Variants in TTLL7 observed in about 807,000 individuals in gnomAD.
The protein encoded by TTLL7 is tubulin polyglutamylase TTLL7.
In TTLL7, 53 loss-of-function variants were observed where a neutral mutation model predicts 120.2. That is an observed-to-expected ratio of 0.44 (90% CI 0.35 to 0.55). The LOEUF (loss-of-function observed/expected upper bound fraction) is 0.55, where lower values mean the gene tolerates loss of function less well. Among genes scored for constraint, TTLL7 ranks in the 20% least tolerant of loss-of-function variants. The probability of loss-of-function intolerance (pLI) is 0.00; values close to 1 mark genes in which losing one functional copy is unlikely to be tolerated. For synonymous variants in TTLL7, 353 were observed against 351.7 expected, an observed-to-expected ratio of 1.00 and a Z score of -0.04; for missense variants, 803 against 1,054.7, an observed-to-expected ratio of 0.76 and a Z score of 3.31.
intron 4 of TTLL7, 108 bp from the exon 5 acceptor site, chr1:83,948,803 C>A: frequency 7.4e-6 from 5 of 675,562 alleles, no homozygotes; most frequent in South Asian, 2.4e-5. Context: ...TAATAAACTG[C>A]CAATTATTAA....
intron 18 of TTLL7, chr1:83,902,067 C>T (rs750835970): frequency 2.0e-5 from 3 of 151,920 alleles, no homozygotes; most frequent in Non-Finnish European, 2.9e-5. Flanking sequence ...CCCATCTTCC[C>T]ACCACATTCC....
At chr1:83,917,993 C>T (rs1474553825) in intron 13 of TTLL7, among the ~76,000 whole-genome samples, 1 of 151,892 alleles carries the variant, frequency 6.6e-6, no homozygotes, top group African/African-American at 2.4e-5. Flanking sequence ...TAAATTAGCC[C>T]ATTGGACACT....
intron 4 of TTLL7, chr1:83,948,927 G>A (rs956567438): frequency 3.0e-6 from 1 of 338,220 alleles, no homozygotes; most frequent in Non-Finnish European, 5.3e-6. Flanking sequence ...TATCTACATA[G>A]ATAGTAAAGT....
At chr1:83,871,210 C>T (rs762346996) in intron 20 of TTLL7, among the ~76,000 whole-genome samples, 12 of 151,784 alleles carry the variant, frequency 7.9e-5, no homozygotes, top group Admixed American at 5.9e-4. Context: ...TTAATAGAGA[C>T]GGGTTTCACC....
intron 20 of TTLL7, among the ~76,000 whole-genome samples, chr1:83,870,640 G>A (rs1653288211): frequency 6.6e-6 from 1 of 152,212 alleles, no homozygotes; most frequent in South Asian, 2.1e-4. Context: ...GCCAGGCGCA[G>A]TGGCTCACGC....
At chr1:83,893,324 A>T (rs530342361) in intron 18 of TTLL7, among the ~76,000 whole-genome samples, 5 of 152,064 alleles carry the variant, frequency 3.3e-5, no homozygotes, top group African/African-American at 1.2e-4. Flanking sequence ...TCTAATTCAC[A>T]TGTACTTGAT....
At chr1:83,952,990 G>T (rs1649195469) in intron 1 of TTLL7, among the ~76,000 whole-genome samples, 1 of 152,144 alleles carries the variant, frequency 6.6e-6, no homozygotes, top group Non-Finnish European at 1.5e-5. Context: ...GCAGAGAAGT[G>T]ATTCCTATAT....
intron 9 of TTLL7, among the ~76,000 whole-genome samples, chr1:83,931,883 T>C (rs1431010452): frequency 1.3e-5 from 2 of 152,164 alleles, no homozygotes; most frequent in African/African-American, 4.8e-5. Context: ...TTTTTAACAA[T>C]GTATATTAGC....
At chr1:83,882,941 G>C in intron 20 of TTLL7, 22 bp downstream of exon 20, 1 of 1,605,572 alleles carries the variant, frequency 6.2e-7, no homozygotes, top group Non-Finnish European at 8.5e-7. Flanking sequence ...ACTCTCAAGG[G>C]TTAGAGAATG....
intron 18 of TTLL7, chr1:83,900,043 C>A: frequency 2.9e-6 from 1 of 339,318 alleles, no homozygotes; most frequent in Non-Finnish European, 5.7e-6. Flanking sequence ...AACCCTAAAA[C>A]ATATGAAATT....
intron 6 of TTLL7, among the ~76,000 whole-genome samples, chr1:83,943,192 T>G (rs1015290562): frequency 1.3e-5 from 2 of 152,188 alleles, no homozygotes; most frequent in Middle Eastern, 3.2e-3. Context: ...TATTAGTCAC[T>G]ACTATCTAGG....
At chr1:83,936,548 G>T (rs1036810082) in intron 8 of TTLL7, among the ~76,000 whole-genome samples, 5 of 152,048 alleles carry the variant, frequency 3.3e-5, no homozygotes, top group African/African-American at 7.2e-5. Context: ...ATGGTTTTTG[G>T]AATGTCCACA....
intron 18 of TTLL7, among the ~76,000 whole-genome samples, chr1:83,891,306 G>A (rs1319315574): frequency 6.6e-6 from 1 of 151,688 alleles, no homozygotes; most frequent in African/African-American, 2.4e-5. Flanking sequence ...TTACAAACAG[G>A]CATTTCAGAA....
intron 10 of TTLL7, among the ~76,000 whole-genome samples, chr1:83,921,691 T>C (rs896748851): frequency 1.3e-5 from 2 of 152,110 alleles, no homozygotes; most frequent in Non-Finnish European, 2.9e-5. Context: ...TATACAATCT[T>C]GGGCTGGTCA....
Position 83,909,269 on chromosome 1 carries a change from C to CTTTTTTTTTTTTTTTTTTTTT in TTLL7, c.1787-1609_1787-1608insAAAAAAAAAAAAAAAAAAAAA, listed in dbSNP as rs71582911. ...TCATCACAGATTACTTTTTTTTTTC[C>CTTTTTTTTTTTTTTTTTTTTT]TTTTTTTTTTTTTTTTTTTGCCTAC... On this transcript the variant is annotated intron_variant, in intron 15 of 20. Transcript: ENST00000260505. Among the ~76,000 whole-genome samples, 2 of 99,296 alleles carry CTTTTTTTTTTTTTTTTTTTTT rather than the reference C, an allele frequency of 2.0e-5. 1 individual carries two copies. 65.1% of individuals were successfully genotyped at this position (99,296 alleles called of 152,430 possible).
At chr1:83,907,817 T>C (rs1310686364) in intron 15 of TTLL7, among the ~76,000 whole-genome samples, 156 bp from the exon 16 acceptor site, 2 of 152,134 alleles carry the variant, frequency 1.3e-5, no homozygotes, top group Non-Finnish European at 2.9e-5. Flanking sequence ...GAGTTTGGAA[T>C]ACACTTTTCA....
intron 1 of TTLL7, among the ~76,000 whole-genome samples, chr1:83,964,765 A>G (rs1199361457): frequency 1.3e-5 from 2 of 152,188 alleles, no homozygotes; most frequent in African/African-American, 4.8e-5. Flanking sequence ...AGATACATTC[A>G]AGAATGACAG....
intron 1 of TTLL7, among the ~76,000 whole-genome samples, chr1:83,957,446 C>A (rs1349387485): frequency 6.6e-6 from 1 of 152,098 alleles, no homozygotes; most frequent in African/African-American, 2.4e-5. Flanking sequence ...ATAATAAGAG[C>A]TGTTTTGTTG....
chr1:83,994,320 C>A (rs1236184924), intron 1 of TTLL7, among the ~76,000 whole-genome samples: 1 of 152,180 alleles, frequency 6.6e-6, no homozygotes, highest in African/African-American at 2.4e-5. Flanking sequence ...CTCTCATAGA[C>A]ACTTAATGGC....
Sources: allele counts gnomAD v4.1 joint callset (sites outside exome capture counted in the v4.1 genomes callset), GRCh38; gene constraint gnomAD v4.1.1; transcripts MANE v1.5; gene names NCBI Gene and HGNC (gene_info 2026-07-23, HGNC 2026-07-21).